LONRF1: variants seen among roughly 807,000 people sequenced by gnomAD.
The protein encoded by LONRF1 is LON peptidase N-terminal domain and ring finger 1.
In LONRF1, 37 loss-of-function variants were observed where a neutral mutation model predicts 85.8. The observed-to-expected ratio is 0.43, with a 90% CI of 0.33 to 0.57. LONRF1 has a LOEUF of 0.57. Ranked by LOEUF, LONRF1 falls within the 20% of genes least tolerant of loss-of-function variation. LONRF1 has a pLI of 0.04. For synonymous variants in LONRF1, 517 were observed against 390.1 expected, an observed-to-expected ratio of 1.33 and a Z score of -3.83; for missense variants, 1,036 against 978.0, an observed-to-expected ratio of 1.06 and a Z score of -0.79.
intron 5 of LONRF1, 34 bp downstream of exon 5, chr8:12,736,866 T>G: frequency 6.4e-7 from 1 of 1,572,720 alleles, no homozygotes; most frequent in Non-Finnish European, 8.6e-7. Context: ...ACTAAATAAA[T>G]TTATTTTATA....
intron 1 of LONRF1, among the ~76,000 whole-genome samples, chr8:12,749,222 T>G (rs555511658): frequency 7.2e-5 from 11 of 152,196 alleles, no homozygotes; most frequent in African/African-American, 2.4e-4. Flanking sequence ...AAGAGTATTT[T>G]CTACCTTGTC....
Position 12,754,867 on chromosome 8 carries a change from G to A in LONRF1, c.554C>T (p.Ala185Val), listed in dbSNP as rs532548092. The A allele has an allele frequency of 1.3e-6, 2 of 1,493,260 alleles. No homozygotes were observed. The highest frequency in any genetic ancestry group is 2.9e-5 in the African/African-American group (2 of 68,452). The allele number at this position is 1,493,260 out of a possible 1,614,324, so 92.5% of individuals were successfully genotyped here. ...GGTTCTGAAGTCTGAAGCGGCGATG[G>A]CGGCGGCCAGAGGCGGCGGCCGCGG... ...TAPRPPPLAAAIAASDFRTSV... is the reference protein window; with the variant it reads ...TAPRPPPLAAVIAASDFRTSV... Residue 185 changes from alanine (A) to valine (V), a missense_variant, in exon 1 of 12, where the codon GCC becomes GTC. By Grantham distance (64) the Ala-to-Val change is moderately conservative (BLOSUM62 0). Around this residue, in one of 3 missense-constraint regions of LONRF1, gnomAD observed 742 missense variants for 614.4 expected, o/e 1.21. Transcript: ENST00000398246.
At chr8:12,750,841 G>C (rs1452493803) in intron 1 of LONRF1, among the ~76,000 whole-genome samples, 2 of 152,110 alleles carry the variant, frequency 1.3e-5, no homozygotes, top group East Asian at 3.8e-4. Context: ...AAATTGCAAG[G>C]TTTAGATTCC....
intron 3 of LONRF1, chr8:12,738,909 C>T (rs1798824279): frequency 6.6e-6 from 1 of 152,110 alleles, no homozygotes; most frequent in South Asian, 2.1e-4. Context: ...TTCGGTTTTT[C>T]AGCTGTTATC....
intron 1 of LONRF1, among the ~76,000 whole-genome samples, chr8:12,747,130 G>A (rs1179200644): frequency 6.6e-6 from 1 of 152,100 alleles, no homozygotes; most frequent in Non-Finnish European, 1.5e-5. Context: ...CTCAATTCAT[G>A]TTCCCATTTT....
intron 1 of LONRF1, chr8:12,753,170 GCCTACT>G (rs923780894): frequency 2.5e-4 from 38 of 151,980 alleles, no homozygotes; most frequent in African/African-American, 8.9e-4. Flanking sequence ...TTTTATACCT[GCCTACT>G]CCTCACGAAG....
chr8:12,741,360 G>A (rs1005116778), intron 2 of LONRF1, among the ~76,000 whole-genome samples: 2 of 152,134 alleles, frequency 1.3e-5, no homozygotes, highest in African/African-American at 4.8e-5. Context: ...CTCCAGCCTG[G>A]GTGACGGAGT....
chr8:12,735,617 G>T, intron 6 of LONRF1: 1 of 518,070 alleles, frequency 1.9e-6, no homozygotes, highest in Non-Finnish European at 3.5e-6. Flanking sequence ...AAGGCCTAGA[G>T]CCAAGGGCCT....
chr8:12,724,605 C>G (rs1585216777), intron 11 of LONRF1, among the ~76,000 whole-genome samples: 1 of 152,206 alleles, frequency 6.6e-6, no homozygotes, highest in African/African-American at 2.4e-5. Context: ...TCACACAACA[C>G]TGCTAACAGA....
At chr8:12,754,488 C>G in intron 1 of LONRF1, 2 of 466,148 alleles carry the variant, frequency 4.3e-6, no homozygotes, top group Non-Finnish European at 3.3e-6. Context: ...GCGTCACAGT[C>G]GGCTCCCAGG....
At chr8:12,750,578 G>A (rs935374782) in intron 1 of LONRF1, among the ~76,000 whole-genome samples, 1 of 152,076 alleles carries the variant, frequency 6.6e-6, no homozygotes, top group Non-Finnish European at 1.5e-5. Context: ...ACAAATAAGG[G>A]GAAACTACTG....
chr8:12,750,512 T>C (rs939081436), intron 1 of LONRF1, among the ~76,000 whole-genome samples: 1 of 152,240 alleles, frequency 6.6e-6, no homozygotes, highest in East Asian at 1.9e-4. Context: ...AAAACGTACA[T>C]GAAAGTGGTC....
At chr8:12,736,487 C>G (rs902554962) in intron 6 of LONRF1, among the ~76,000 whole-genome samples, 2 of 152,164 alleles carry the variant, frequency 1.3e-5, no homozygotes, top group African/African-American at 4.8e-5. Flanking sequence ...CCATGCAAAG[C>G]TTGATCCCAC....
chr8:12,735,483 A>C, intron 6 of LONRF1, 83 bp from the exon 7 acceptor site: 1 of 863,684 alleles, frequency 1.2e-6, no homozygotes, highest in Non-Finnish European at 1.9e-6. Context: ...CATAACACTA[A>C]TCTCTATTTA....
At chr8:12,750,920 C>T (rs1213687523) in intron 1 of LONRF1, among the ~76,000 whole-genome samples, 1 of 152,214 alleles carries the variant, frequency 6.6e-6, no homozygotes, top group African/African-American at 2.4e-5. Context: ...TTAATATTTA[C>T]TGGGCATTTA....
intron 1 of LONRF1, among the ~76,000 whole-genome samples, chr8:12,749,440 T>A (rs1255224544): frequency 6.6e-6 from 1 of 152,320 alleles, no homozygotes; most frequent in South Asian, 2.1e-4. Flanking sequence ...AATTCCAATT[T>A]TGAGAAATAC....
At chr8:12,751,818 T>C (rs1317633042) in intron 1 of LONRF1, among the ~76,000 whole-genome samples, 2 of 151,804 alleles carry the variant, frequency 1.3e-5, no homozygotes, top group South Asian at 2.1e-4. Context: ...GCAGGCAGCA[T>C]GGCTTAGGGG....
In LONRF1 at chr8:12,754,865, TGGCGGCGGCCAGA is replaced by T. The variant is rs1304354179; in HGVS notation, c.543_555del (p.Leu182SerfsTer60). The T allele has an allele frequency of 2.0e-6, 3 of 1,493,114 alleles. No individual in the cohort carries two copies. The highest frequency in any genetic ancestry group is 2.7e-6 in the Non-Finnish European group (3 of 1,126,046). 92.5% of individuals were successfully genotyped at this position (1,493,114 alleles called of 1,614,324 possible). A position where few individuals can be genotyped will look rare whatever the true frequency, so the allele number is the denominator to read the frequency against. ...CTGGTTCTGAAGTCTGAAGCGGCGATGGCGGCGGCCAGAGGCGGCGGCCGCGGGGCGGTCCCTT... is the reference window on the plus strand; with the variant it reads ...CTGGTTCTGAAGTCTGAAGCGGCGATGGCGGCGGCCGCGGGGCGGTCCCTT... On this transcript the variant is annotated frameshift_variant, in exon 1 of 12. Transcript: ENST00000398246. LOFTEE classifies it high-confidence loss of function.
chr8:12,755,224 C>T lies in LONRF1; in HGVS notation c.197G>A (p.Gly66Asp), dbSNP rs945420427. ...CGCCGCCGCGAACGCCTCCAGCGCG[C>T]CCTTCAGGTGGCCGCCCAGCGCCAG... ...ELLALGGHLK[G>D]ALEAFAAALR... Residue 66 changes from glycine to aspartate, a missense_variant, in exon 1 of 12, where the codon GGC becomes GAC. Around this residue, in one of 3 missense-constraint regions of LONRF1, gnomAD observed 742 missense variants for 614.4 expected, o/e 1.21. Transcript: ENST00000398246. 4 of 1,250,470 alleles carry T rather than the reference C, an allele frequency of 3.2e-6. No individual in the cohort carries two copies. The African/African-American group carries it at 4.7e-5, about 15-fold the overall frequency. The allele number at this position is 1,250,470 out of a possible 1,614,324, so 77.5% of individuals were successfully genotyped here.
Sources: gnomAD v4.1 joint callset for allele counts (sites outside exome capture counted in the v4.1 genomes callset) on GRCh38, gnomAD v4.1.1 for gene constraint, gnomAD v4.1.1 regional missense constraint, MANE v1.5 for transcripts, NCBI Gene and HGNC (gene_info 2026-07-23, HGNC 2026-07-21) for gene names.